The following CDYL2 variants were observed in gnomAD, a reference collection of about 807,000 sequenced individuals.
The protein encoded by CDYL2 is chromodomain Y-like protein 2.
A neutral mutation model predicts 49.4 loss-of-function variants in CDYL2; 23 were observed. That is an observed-to-expected ratio of 0.47 (90% confidence interval 0.34 to 0.66). The LOEUF is 0.66. Among genes scored for constraint, CDYL2 ranks in the 30% least tolerant of loss-of-function variants. CDYL2 has a pLI of 0.01. For missense variants in CDYL2, 678 were observed against 656.4 expected, an observed-to-expected ratio of 1.03 and a Z score of -0.36; for synonymous variants, 360 against 268.8, an observed-to-expected ratio of 1.34 and a Z score of -3.32.
chr16:80,796,501 T>A (rs776021398), intron 1 of CDYL2, among the ~76,000 whole-genome samples: 8 of 152,174 alleles, frequency 5.3e-5, no homozygotes, highest in Non-Finnish European at 1.2e-4. Flanking sequence ...ATGAACAAAA[T>A]TTTTGTATGA....
At chr16:80,725,562 A>G (rs145424572) in intron 1 of CDYL2, among the ~76,000 whole-genome samples, 1 of 152,216 alleles carries the variant, frequency 6.6e-6, no homozygotes, top group Admixed American at 6.5e-5. Context: ...CAGTCTACGA[A>G]TCTCAGTCCA....
At chr16:80,743,211 G>A (rs530525003) in intron 1 of CDYL2, among the ~76,000 whole-genome samples, 1 of 152,094 alleles carries the variant, frequency 6.6e-6, no homozygotes, top group Non-Finnish European at 1.5e-5. Flanking sequence ...CAATAAAACA[G>A]GAAACAATTA....
chr16:80,650,252 G>A (rs1011643809), intron 2 of CDYL2, among the ~76,000 whole-genome samples: 1 of 152,074 alleles, frequency 6.6e-6, no homozygotes, highest in Non-Finnish European at 1.5e-5. Context: ...CATATATAAG[G>A]AGCTCAAACA....
intron 3 of CDYL2, among the ~76,000 whole-genome samples, chr16:80,628,737 T>C (rs1907417364): frequency 6.6e-6 from 1 of 152,228 alleles, no homozygotes; most frequent in African/African-American, 2.4e-5. Flanking sequence ...TTATATCCCT[T>C]GCAGCACCTA....
At chr16:80,619,565 G>C (rs1357130842) in intron 4 of CDYL2, among the ~76,000 whole-genome samples, 1 of 152,202 alleles carries the variant, frequency 6.6e-6, no homozygotes, top group South Asian at 2.1e-4. Flanking sequence ...AGAGAAGCAC[G>C]CTGGAAATCC....
intron 1 of CDYL2, among the ~76,000 whole-genome samples, chr16:80,794,119 C>T (rs1418988856): frequency 6.6e-6 from 1 of 152,150 alleles, no homozygotes; most frequent in Non-Finnish European, 1.5e-5. Context: ...ACAATATTGT[C>T]CCCATTCCTT....
At chr16:80,781,019 A>G (rs917409490) in intron 1 of CDYL2, among the ~76,000 whole-genome samples, 3 of 152,204 alleles carry the variant, frequency 2.0e-5, no homozygotes, top group African/African-American at 7.2e-5. Flanking sequence ...TGTCCAAAAC[A>G]CTTCTCTATG....
intron 2 of CDYL2, among the ~76,000 whole-genome samples, chr16:80,680,867 T>A (rs1448454357): frequency 2.6e-5 from 4 of 152,022 alleles, no homozygotes; most frequent in Non-Finnish European, 5.9e-5. Flanking sequence ...GAGATCCTGA[T>A]TCATTCAACT....
chr16:80,616,455 GC>G (rs1213500627), intron 4 of CDYL2, among the ~76,000 whole-genome samples: 9 of 152,302 alleles, frequency 5.9e-5, no homozygotes, highest in Admixed American at 3.3e-4. Context: ...TGACCCAGCA[GC>G]AAAATTCTGC....
chr16:80,672,352 C>CACACACACACAGAGAG lies in CDYL2; in HGVS notation c.616+12185_616+12186insCTCTCTGTGTGTGTGT, dbSNP rs68130206. ...ACACACACACACACACACACACACACAGAGAGAGAGAGAGAGATGAGTAGA... is the reference window on the plus strand; with the variant it reads ...ACACACACACACACACACACACACACACACACACACAGAGAGAGAGAGAGAGAGAGAGATGAGTAGA... On this transcript the variant is annotated intron_variant, in intron 2 of 6. Coordinates refer to ENST00000570137, the MANE Select transcript of CDYL2 (RefSeq NM_152342.4). Among the ~76,000 whole-genome samples, 618 of 117,816 alleles carry CACACACACACAGAGAG rather than the reference C, an allele frequency of 5.2e-3. 4 individuals are homozygous for CACACACACACAGAGAG. The highest frequency in any genetic ancestry group is 0.014 in the South Asian group (44 of 3,188). The allele number at this position is 117,816 out of a possible 152,430, so 77.3% of individuals were successfully genotyped here. A position where few individuals can be genotyped will look rare whatever the true frequency, so the allele number is the denominator to read the frequency against.
chr16:80,796,818 C>T (rs1472358379), intron 1 of CDYL2, among the ~76,000 whole-genome samples: 2 of 152,124 alleles, frequency 1.3e-5, no homozygotes, highest in Admixed American at 1.3e-4. Flanking sequence ...CCAGAAGACC[C>T]AAACTCCTCG....
chr16:80,660,774 A>T (rs565579417), intron 2 of CDYL2, among the ~76,000 whole-genome samples: 22 of 152,332 alleles, frequency 1.4e-4, no homozygotes, highest in African/African-American at 5.1e-4. Context: ...CAAAGAGGGG[A>T]AGAAAAACTG....
At chr16:80,739,045 A>G (rs1331278185) in intron 1 of CDYL2, among the ~76,000 whole-genome samples, 3 of 152,258 alleles carry the variant, frequency 2.0e-5, no homozygotes, top group Non-Finnish European at 4.4e-5. Context: ...AAAACGTGGT[A>G]TACACACACA....
intron 2 of CDYL2, among the ~76,000 whole-genome samples, chr16:80,666,362 G>C (rs1222770476): frequency 1.3e-5 from 2 of 152,138 alleles, no homozygotes; most frequent in Non-Finnish European, 2.9e-5. Context: ...TACCATCAAG[G>C]CAGGTCATAA....
rs112995494 is a variant in CDYL2, at chr16:80,702,097, A to C, written c.25-16968T>G. ...TATACAGGAATGTGGAGTGAGAAAC[A>C]AACCCCCACTTCACAGTAGAGGAAT... On this transcript the variant is annotated intron_variant, in intron 1 of 6. Coordinates refer to ENST00000570137, the MANE Select transcript of CDYL2 (RefSeq NM_152342.4). Among the ~76,000 whole-genome samples, 1,368 of 152,184 alleles carry C rather than the reference A, an allele frequency of 9.0e-3. 26 individuals carry two copies. Among genetic ancestry groups the C allele is most frequent in the African/African-American group, 0.031 (1,281 of 41,504 alleles).
chr16:80,730,264 G>C (rs973716630), intron 1 of CDYL2, among the ~76,000 whole-genome samples: 4 of 152,140 alleles, frequency 2.6e-5, no homozygotes, highest in African/African-American at 9.7e-5. Context: ...AAATGATAAA[G>C]GGGATATCAC....
intron 1 of CDYL2, among the ~76,000 whole-genome samples, chr16:80,709,561 GACACACACACAC>G (rs10673992): frequency 1.4e-5 from 2 of 143,754 alleles, no homozygotes; most frequent in South Asian, 2.3e-4. Context: ...GGAATAAACA[GACACACACACAC>G]ACACACACAC....
rs373660252 is a variant in CDYL2 at position 80,629,424 on chromosome 16, C to T, written c.834+3595G>A. On this transcript the variant is annotated intron_variant, in intron 3 of 6. Coordinates refer to ENST00000570137, the MANE Select transcript of CDYL2 (RefSeq NM_152342.4). The stretch of plus-strand genomic sequence containing the variant: ...TGAGACAGGTTTGCACATGGGGCCA[C>T]GACAAGAGCGGTGTGAAAAGGGACT... Among the ~76,000 whole-genome samples, 53 of 152,252 alleles carry T rather than the reference C, an allele frequency of 3.5e-4. 2 individuals are homozygous for T. In the South Asian group the frequency reaches 7.3e-3, roughly 21 times the overall value.
intron 3 of CDYL2, among the ~76,000 whole-genome samples, chr16:80,629,864 T>G (rs1411798256): frequency 1.3e-5 from 2 of 152,210 alleles, no homozygotes; most frequent in Admixed American, 1.3e-4. Flanking sequence ...TGCTTCCCAT[T>G]AACAATGATG....
Sources: allele counts gnomAD v4.1 joint callset (sites outside exome capture counted in the v4.1 genomes callset), GRCh38; gene constraint gnomAD v4.1.1; transcripts MANE v1.5; gene names NCBI Gene and HGNC (gene_info 2026-07-23, HGNC 2026-07-21).